PEX1: variants seen among roughly 807,000 people sequenced by gnomAD.
The protein encoded by PEX1 is peroxisomal ATPase PEX1.
A neutral mutation model predicts 152.5 loss-of-function variants in PEX1; 97 were observed. That is an observed-to-expected ratio of 0.64 (90% confidence interval 0.54 to 0.75). The LOEUF is 0.75. PEX1 is among the 30% of genes least tolerant of loss of function. The pLI, the probability that PEX1 is intolerant of heterozygous loss-of-function variation, is 0.00. For synonymous variants in PEX1, 485 were observed against 531.6 expected (o/e 0.91, Z 1.21); for missense variants, 1,357 against 1,516.3 (o/e 0.89, Z 1.74).
chr7:92,514,738 A>G (rs1585249263), intron 5 of PEX1, among the ~76,000 whole-genome samples: 2 of 152,154 alleles, frequency 1.3e-5, no homozygotes, highest in East Asian at 3.9e-4. Flanking sequence ...TATACTAAAA[A>G]TGACTGAATT....
chr7:92,489,799 C>A lies in PEX1; in HGVS notation c.3551G>T (p.Gly1184Val). The change falls in exon 22 of 24, where the codon GGT becomes GTT. Residue 1184 changes from glycine to valine, a missense_variant. Physicochemically the swap from Gly to Val is moderately radical, Grantham distance 109. Transcript: ENST00000248633. ...TTGTTCTTGTGTAAGTTCTTGGCAA[C>A]CCTCTTGTGAAGCTGTCCTTAACAC... is the stretch of plus-strand genomic sequence containing the variant. ...PPVLRTASQE[G>V]CQELTQEQRD... 1 of 1,614,004 alleles carries A rather than the reference C, an allele frequency of 6.2e-7. No homozygotes were observed. The highest frequency in any genetic ancestry group is 8.5e-7 in the Non-Finnish European group (1 of 1,179,956).
At chr7:92,494,051 AT>A (rs1036488068) in intron 19 of PEX1, 276 of 462,960 alleles carry the variant, frequency 6.0e-4, no homozygotes, top group East Asian at 1.1e-3. Context: ...GGTTTCTTGC[AT>A]TTTTTTTTCC....
At chr7:92,502,990 A>G (rs1792003521) in intron 13 of PEX1, 51 bp downstream of exon 13, 2 of 1,486,520 alleles carry the variant, frequency 1.3e-6, no homozygotes, top group South Asian at 2.3e-5. Context: ...ATTGAAAAAT[A>G]ATTTCTATAA....
At position 92,517,823 on chromosome 7, in the gene PEX1, T is replaced by C; in HGVS notation, c.692A>G (p.Asn231Ser). Residue 231 changes from asparagine (N) to serine (S), a missense_variant, in exon 5 of 24, where the codon AAC becomes AGC. Asn to Ser is a conservative substitution (Grantham distance 46). Coordinates refer to ENST00000248633, the MANE Select transcript of PEX1 (RefSeq NM_000466.3). ...TGAGTCAACTGGAATCTCTGACTCG[T>C]TTTCATTAGATTCAGTGATTCCCAC... ...NTVGITESNE[N>S]ESEIPVDSSS... 1 of 1,548,232 alleles carries C rather than the reference T, an allele frequency of 6.5e-7. No individual in the cohort carries two copies. The highest frequency in any genetic ancestry group is 1.7e-4 in the Middle Eastern group (1 of 5,718).
At chr7:92,522,598 T>C (rs1005247324) in intron 1 of PEX1, among the ~76,000 whole-genome samples, 1 of 152,212 alleles carries the variant, frequency 6.6e-6, no homozygotes, top group South Asian at 2.1e-4. Flanking sequence ...AAAGAAACTA[T>C]AGCAAAAGCT....
chr7:92,527,863 G>T (rs373118187), intron 1 of PEX1, among the ~76,000 whole-genome samples: 1 of 152,256 alleles, frequency 6.6e-6, no homozygotes, highest in Non-Finnish European at 1.5e-5. Flanking sequence ...CCCGCTCATG[G>T]GACGCGGTGC....
At chr7:92,516,457 G>T (rs928603240) in intron 5 of PEX1, among the ~76,000 whole-genome samples, 1 of 151,642 alleles carries the variant, frequency 6.6e-6, no homozygotes, top group African/African-American at 2.4e-5. Flanking sequence ...AGAAAATGAT[G>T]TAGGCCAAAG....
intron 5 of PEX1, among the ~76,000 whole-genome samples, chr7:92,516,083 A>AAGAAG (rs1266628077): frequency 5.3e-5 from 8 of 151,216 alleles, no homozygotes; most frequent in Non-Finnish European, 1.0e-4. Context: ...AAGAAAAGAA[A>AAGAAG]AGAAAAGAAA....
At chr7:92,522,005 C>G in intron 2 of PEX1, 97 bp downstream of exon 2, 1 of 1,223,614 alleles carries the variant, frequency 8.2e-7, no homozygotes, top group Non-Finnish European at 1.2e-6. Flanking sequence ...TAGGTGACAT[C>G]TCACCTCCTT....
At chr7:92,519,195 G>A (rs1056658135) in intron 2 of PEX1, 117 bp from the exon 3 acceptor site, 1 of 675,126 alleles carries the variant, frequency 1.5e-6, no homozygotes, top group Non-Finnish European at 2.7e-6. Context: ...TGTATGTTTT[G>A]GATGGGGGTG....
intron 16 of PEX1, among the ~76,000 whole-genome samples, chr7:92,498,954 A>G (rs1483934380): frequency 2.0e-5 from 3 of 152,252 alleles, no homozygotes; most frequent in Non-Finnish European, 4.4e-5. Context: ...TTAAGCAAGA[A>G]CATAATAAGC....
chr7:92,506,764 C>T (rs1792210135), intron 10 of PEX1: 1 of 568,058 alleles, frequency 1.8e-6, no homozygotes, highest in Non-Finnish European at 3.1e-6. Flanking sequence ...TCAACTGACA[C>T]AGAAAAAGGG....
intron 17 of PEX1, among the ~76,000 whole-genome samples, chr7:92,495,873 C>A (rs1416497480): frequency 1.3e-5 from 2 of 152,102 alleles, no homozygotes; most frequent in African/African-American, 4.8e-5. Flanking sequence ...GAGATAGATA[C>A]ATAAGTGGTT....
chr7:92,511,420 C>T (rs974261447), intron 7 of PEX1, among the ~76,000 whole-genome samples, 160 bp downstream of exon 7: 22 of 152,090 alleles, frequency 1.4e-4, no homozygotes, highest in Non-Finnish European at 2.4e-4. Context: ...CCACTGCACC[C>T]GGCCAAAGAT....
chr7:92,498,127 C>A (rs1405566663), intron 16 of PEX1, among the ~76,000 whole-genome samples: 1 of 150,910 alleles, frequency 6.6e-6, no homozygotes, highest in Non-Finnish European at 1.5e-5. Flanking sequence ...AACAGCCTGG[C>A]ACTTTTAGTT....
At chr7:92,488,775 G>A (rs1442002974) in intron 23 of PEX1, among the ~76,000 whole-genome samples, 6 of 150,566 alleles carry the variant, frequency 4.0e-5, no homozygotes, top group Non-Finnish European at 8.8e-5. Flanking sequence ...TGTGGCCCAG[G>A]CTGGATGGAG....
intron 20 of PEX1, among the ~76,000 whole-genome samples, chr7:92,492,331 A>T (rs1791377365): frequency 6.6e-6 from 1 of 152,146 alleles, no homozygotes; most frequent in African/African-American, 2.4e-5. Flanking sequence ...TTTCACAGAG[A>T]CAAGATCCCA....
At chr7:92,506,196 C>A (rs1798169586) in intron 11 of PEX1, 52 bp downstream of exon 11, 1 of 939,960 alleles carries the variant, frequency 1.1e-6, no homozygotes, top group Non-Finnish European at 1.8e-6. Flanking sequence ...GTATAACATT[C>A]CTGTCTTTCT....
At chr7:92,491,785 A>C (rs1562844864) in intron 20 of PEX1, among the ~76,000 whole-genome samples, 1 of 152,190 alleles carries the variant, frequency 6.6e-6, no homozygotes, top group Non-Finnish European at 1.5e-5. Context: ...TATGTCTCTG[A>C]CTTTCCATTC....
Sources: allele counts gnomAD v4.1 joint callset (sites outside exome capture counted in the v4.1 genomes callset), GRCh38; gene constraint gnomAD v4.1.1; transcripts MANE v1.5; gene names NCBI Gene and HGNC (gene_info 2026-07-23, HGNC 2026-07-21).